The following CXCR5 variants were observed in gnomAD, a reference collection of about 807,000 sequenced individuals.
The protein encoded by CXCR5 is C-X-C motif chemokine receptor 5.
Under a neutral mutation model 5.6 loss-of-function variants are expected in CXCR5, and 3 were observed. The ratio of observed to expected loss-of-function variants is 0.54; its 90% CI spans 0.24 to 1.39. CXCR5 has a LOEUF of 1.39. Among genes scored for constraint, CXCR5 ranks in the 40% most tolerant of loss-of-function variants. The probability of loss-of-function intolerance (pLI) is 0.16; values close to 1 mark genes in which losing one functional copy is unlikely to be tolerated. For missense variants in CXCR5, 333 were observed against 494.6 expected, an observed-to-expected ratio of 0.67 and a Z score of 3.10; for synonymous variants, 218 against 219.9, an observed-to-expected ratio of 0.99 and a Z score of 0.08.
rs1300841537 is a variant in CXCR5 at position 118,893,152 on chromosome 11, C to T, written c.52-444C>T. On this transcript the variant is annotated intron_variant, in intron 1 of 1. Coordinates refer to ENST00000292174, the MANE Select transcript of CXCR5 (RefSeq NM_001716.5). This position sits in a 1 kb window ranked among gnomAD's most constrained non-coding sequence, Gnocchi z 5.7. ...AGCCCACAGGCCAAGTCAGCACCCG[C>T]CCGCCCCTAGTCCCCAGCACAATGC... is the stretch of plus-strand genomic sequence containing the variant. Among the ~76,000 whole-genome samples the T allele has an allele frequency of 1.3e-5, 2 of 152,144 alleles. No individual in the cohort carries two copies. The highest frequency in any genetic ancestry group is 2.9e-5 in the Non-Finnish European group (2 of 68,028).
At position 118,894,455 on chromosome 11, in the gene CXCR5, T is replaced by G; in HGVS notation, c.911T>G (p.Ile304Ser). ...CTGAATGGCTCTCTCCCCGTGGCCA[T>G]CACCATGTGTGAGTTCCTGGGCCTG... ...CKLNGSLPVA[I>S]TMCEFLGLAH... The change falls in exon 2 of 2, where the codon ATC becomes AGC. Residue 304 changes from isoleucine to serine, a missense_variant. Coordinates refer to ENST00000292174, the MANE Select transcript of CXCR5 (RefSeq NM_001716.5). This position sits in a 1 kb window ranked among gnomAD's most constrained non-coding sequence, Gnocchi z 6.1. 1.2e-6 allele frequency: 2 copies of G among 1,613,890 alleles called. No homozygotes were observed. Among genetic ancestry groups the G allele is most frequent in the Non-Finnish European group, 1.7e-6 (2 of 1,179,834 alleles).
chr11:118,896,275 ATATATT>A lies in CXCR5; in HGVS notation c.*1624_*1629del, dbSNP rs1323640430. ...GAAGATGTCTTCACATATTGTATTT[ATATATT>A]TATATTTATATATATATTTATATAA... On this transcript the variant is annotated 3_prime_UTR_variant, in exon 2 of 2. Coordinates refer to ENST00000292174, the MANE Select transcript of CXCR5 (RefSeq NM_001716.5). 3.7e-5 allele frequency: 6 copies of A among 164,306 alleles called. No individual in the cohort carries two copies. The highest frequency in any genetic ancestry group is 2.1e-4 in the South Asian group (1 of 4,818). 10.2% of individuals were successfully genotyped at this position (164,306 alleles called of 1,614,324 possible). A position where few individuals can be genotyped will look rare whatever the true frequency, so the allele number is the denominator to read the frequency against.
rs139379344 is a variant in CXCR5 at position 118,894,931 on chromosome 11, C to A, written c.*268C>A. ...GCTGTCCTTACCCATCTGCACCCCC[C>A]TGGGCTGAGAGAACCTCACGCACCT... On this transcript the variant is annotated 3_prime_UTR_variant, in exon 2 of 2. Transcript: ENST00000292174. This position sits in a 1 kb window ranked among gnomAD's most constrained non-coding sequence, Gnocchi z 6.1. 240 of 401,264 alleles carry A rather than the reference C, an allele frequency of 6.0e-4. 1 individual carries two copies. The highest frequency in any genetic ancestry group is 4.0e-3 in the African/African-American group (194 of 48,642). 24.9% of individuals were successfully genotyped at this position (401,264 alleles called of 1,614,324 possible). A position where few individuals can be genotyped will look rare whatever the true frequency, so the allele number is the denominator to read the frequency against.
At position 118,893,484 on chromosome 11, in the gene CXCR5, A is replaced by T; in HGVS notation, c.52-112A>T. ...TCAAAATTGAAATTTGAAACTTGAC[A>T]TTTGGTCAGTGGGCCCTATGTAGGA... On this transcript the variant is annotated intron_variant, in intron 1 of 1. Coordinates refer to ENST00000292174, the MANE Select transcript of CXCR5 (RefSeq NM_001716.5). The surrounding 1 kb of genome is among the most constrained non-coding windows in gnomAD (Gnocchi z 5.7). The T allele has an allele frequency of 6.8e-7, 1 of 1,467,716 alleles. No homozygotes were observed. The highest frequency in any genetic ancestry group is 9.0e-7 in the Non-Finnish European group (1 of 1,107,052). 90.9% of individuals were successfully genotyped at this position (1,467,716 alleles called of 1,614,324 possible).
rs1247580093 is a variant in CXCR5, at chr11:118,894,928, C to G, written c.*265C>G. On this transcript the variant is annotated 3_prime_UTR_variant, in exon 2 of 2. Coordinates refer to ENST00000292174, the MANE Select transcript of CXCR5 (RefSeq NM_001716.5). This position sits in a 1 kb window ranked among gnomAD's most constrained non-coding sequence, Gnocchi z 6.1. The stretch of plus-strand genomic sequence containing the variant: ...AAGGCTGTCCTTACCCATCTGCACC[C>G]CCCTGGGCTGAGAGAACCTCACGCA... The G allele has an allele frequency of 7.4e-6, 3 of 403,692 alleles. No individual in the cohort carries two copies. Among genetic ancestry groups the G allele is most frequent in the African/African-American group, 6.2e-5 (3 of 48,536 alleles). The allele number at this position is 403,692 out of a possible 1,614,324, so 25.0% of individuals were successfully genotyped here.
intron 1 of CXCR5, among the ~76,000 whole-genome samples, chr11:118,892,151 G>A (rs569217448): frequency 1.3e-5 from 2 of 152,268 alleles, no homozygotes; most frequent in East Asian, 1.9e-4. Context: ...GGGATGCTGC[G>A]GGAAGGGTTG....
chr11:118,891,247 C>T (rs571681385), intron 1 of CXCR5, among the ~76,000 whole-genome samples: 2 of 152,224 alleles, frequency 1.3e-5, no homozygotes, highest in South Asian at 4.2e-4. Flanking sequence ...AAGCAATCCT[C>T]CCACCTAAGC....
rs1337102684 is a variant in CXCR5, at chr11:118,893,670, G to GGGGCC, written c.127_131dup (p.Leu45GlyfsTer24). The GGGGCC allele has an allele frequency of 6.2e-7, 1 of 1,613,606 alleles. No individual in the cohort carries two copies. Among genetic ancestry groups the GGGGCC allele is most frequent in the African/African-American group, 1.3e-5 (1 of 74,910 alleles). ...AAAATCATCTCTGCCCTGCCACAGA[G>GGGGCC]GGGCCCCTCATGGCCTCCTTCAAGG... is the stretch of plus-strand genomic sequence containing the variant. On this transcript the variant is annotated frameshift_variant, in exon 2 of 2. Coordinates refer to ENST00000292174, the MANE Select transcript of CXCR5 (RefSeq NM_001716.5). LOFTEE classifies it low-confidence loss of function (END_TRUNC). The surrounding 1 kb of genome is among the most constrained non-coding windows in gnomAD (Gnocchi z 5.7).
At chr11:118,886,146 A>G in intron 1 of CXCR5, 1 of 347,532 alleles carries the variant, frequency 2.9e-6, no homozygotes, top group Non-Finnish European at 5.6e-6. Context: ...CTCAATAAGT[A>G]TTTATTGATT....
At position 118,897,471 on chromosome 11, in the gene CXCR5, C is replaced by G. The variant is rs1939961057; in HGVS notation, c.*2808C>G. 1.0e-5 allele frequency: 3 copies of G among 296,482 alleles called. No individual in the cohort carries two copies. In the Admixed American group the frequency reaches 1.5e-4, roughly 15 times the overall value. 18.4% of individuals were successfully genotyped at this position (296,482 alleles called of 1,614,324 possible). On this transcript the variant is annotated 3_prime_UTR_variant, in exon 2 of 2. Transcript: ENST00000292174. Reference sequence around the variant, plus strand: ...TCACCGGTGTGGGCAAACACACATGCACGTGCACACATGTTCTCCCTGAAT... The same window carrying G: ...TCACCGGTGTGGGCAAACACACATGGACGTGCACACATGTTCTCCCTGAAT...
intron 1 of CXCR5, among the ~76,000 whole-genome samples, chr11:118,889,970 A>C (rs929853060): frequency 3.3e-5 from 5 of 152,164 alleles, no homozygotes; most frequent in Non-Finnish European, 7.4e-5. Flanking sequence ...GCCCTCACCC[A>C]GGCACGGCCA....
rs1329177801 is a variant in CXCR5, at chr11:118,886,469, A to AG, written c.51+2479dup. 4.2e-5 allele frequency: 15 copies of AG among 358,194 alleles called. No homozygotes were observed. In the East Asian group the frequency reaches 1.3e-3, roughly 30 times the overall value. The allele number at this position is 358,194 out of a possible 1,614,324, so 22.2% of individuals were successfully genotyped here. A position where few individuals can be genotyped will look rare whatever the true frequency, so the allele number is the denominator to read the frequency against. On this transcript the variant is annotated intron_variant, in intron 1 of 1. Coordinates refer to ENST00000292174, the MANE Select transcript of CXCR5 (RefSeq NM_001716.5). Reference sequence around the variant, plus strand: ...GCCGCTTAAAATGTCCACTTCTTTAAGGCAGGGGCTGGGGGGTGGGGACGG... The same window carrying AG: ...GCCGCTTAAAATGTCCACTTCTTTAAGGGCAGGGGCTGGGGGGTGGGGACGG...
At chr11:118,888,936 T>C (rs769703652) in intron 1 of CXCR5, among the ~76,000 whole-genome samples, 9 of 152,168 alleles carry the variant, frequency 5.9e-5, no homozygotes, top group Non-Finnish European at 1.0e-4. Context: ...CTGAGCTCCA[T>C]GCTGGCCAGT....
At chr11:118,887,964 C>A (rs928078661) in intron 1 of CXCR5, among the ~76,000 whole-genome samples, 15 of 152,210 alleles carry the variant, frequency 9.9e-5, no homozygotes, top group African/African-American at 3.4e-4. Flanking sequence ...GGCAGCCCTG[C>A]CCCCTCCTTG....
In CXCR5 at chr11:118,893,542, G is replaced by A; in HGVS notation, c.52-54G>A. 6.6e-7 allele frequency: 1 copy of A among 1,513,622 alleles called. No homozygotes were observed. Among genetic ancestry groups the A allele is most frequent in the Admixed American group, 2.2e-5 (1 of 44,720 alleles). 93.8% of individuals were successfully genotyped at this position (1,513,622 alleles called of 1,614,324 possible). ...TCCAAGAGAGCTAGGGTTCCTCTCA[G>A]AGAGGAAAGACAGGTCCTTAGGTCC... On this transcript the variant is annotated intron_variant, in intron 1 of 1. Coordinates refer to ENST00000292174, the MANE Select transcript of CXCR5 (RefSeq NM_001716.5). This position sits in a 1 kb window ranked among gnomAD's most constrained non-coding sequence, Gnocchi z 5.7.
chr11:118,889,434 TCTGCC>T (rs1939774639), intron 1 of CXCR5, among the ~76,000 whole-genome samples: 1 of 152,208 alleles, frequency 6.6e-6, no homozygotes, highest in Non-Finnish European at 1.5e-5. Flanking sequence ...ACGCAAATGG[TCTGCC>T]CTGTGCTCCC....
chr11:118,893,904 C>A lies in CXCR5; in HGVS notation c.360C>A (p.Phe120Leu), dbSNP rs1187515884. 1 of 1,614,098 alleles carries A rather than the reference C, an allele frequency of 6.2e-7. No individual in the cohort carries two copies. Among genetic ancestry groups the A allele is most frequent in the Non-Finnish European group, 8.5e-7 (1 of 1,180,026 alleles). ...EGSVGWVLGTFLCKTVIALHK... is the reference protein window; with the variant it reads ...EGSVGWVLGTLLCKTVIALHK... ...CTGTGGGCTGGGTCCTGGGGACCTT[C>A]CTCTGCAAAACTGTGATTGCCCTGC... Residue 120 changes from phenylalanine to leucine, a missense_variant, in exon 2 of 2, where the codon TTC becomes TTA. Phe to Leu is a conservative substitution (Grantham distance 22). Transcript: ENST00000292174. This position sits in a 1 kb window ranked among gnomAD's most constrained non-coding sequence, Gnocchi z 5.7.
At position 118,894,006 on chromosome 11, in the gene CXCR5, C is replaced by G; in HGVS notation, c.462C>G (p.Ala154=). The change falls in exon 2 of 2, where the codon GCC becomes GCG. Residue 154 remains alanine, a synonymous_variant. Transcript: ENST00000292174. This position sits in a 1 kb window ranked among gnomAD's most constrained non-coding sequence, Gnocchi z 6.1. ...ACCGCTACCTGGCCATTGTCCACGC[C>G]GTCCATGCCTACCGCCACCGCCGCC... ...AVDRYLAIVH[A]VHAYRHRRLL... is the part of the protein sequence containing the mutation. The G allele has an allele frequency of 6.2e-7, 1 of 1,613,684 alleles. No individual in the cohort carries two copies. Among genetic ancestry groups the G allele is most frequent in the East Asian group, 2.2e-5 (1 of 44,856 alleles).
rs745451082 is a variant in CXCR5, at chr11:118,897,766, T to TG, written c.*3103_*3104insG. The stretch of plus-strand genomic sequence containing the variant: ...AAGGGTTTCTTTTATCCTTTTTTTT[T>TG]TGTGTGACTTCTATCAAAACACAGA... On this transcript the variant is annotated 3_prime_UTR_variant, in exon 2 of 2. Coordinates refer to ENST00000292174, the MANE Select transcript of CXCR5 (RefSeq NM_001716.5). 1.6e-4 allele frequency: 72 copies of TG among 453,400 alleles called. No homozygotes were observed. The highest frequency in any genetic ancestry group is 8.2e-4 in the Admixed American group (34 of 41,564). The allele number at this position is 453,400 out of a possible 1,614,324, so 28.1% of individuals were successfully genotyped here.
Sources: gnomAD v4.1 joint callset for allele counts (sites outside exome capture counted in the v4.1 genomes callset) on GRCh38, gnomAD v4.1.1 for gene constraint, Gnocchi (gnomAD v3.1) non-coding constraint, MANE v1.5 for transcripts, NCBI Gene and HGNC (gene_info 2026-07-23, HGNC 2026-07-21) for gene names.